The following CPED1 variants were observed in gnomAD, a reference collection of about 807,000 sequenced individuals.
The protein encoded by CPED1 is cadherin like and PC-esterase domain containing 1.
A neutral mutation model predicts 128.2 loss-of-function variants in CPED1; 114 were observed. The observed-to-expected ratio is 0.89, with a 90% CI of 0.76 to 1.04. The LOEUF (loss-of-function observed/expected upper bound fraction) is 1.04. CPED1 is among the 50% of genes least tolerant of loss of function. CPED1 has a pLI of 0.00. For missense variants in CPED1, 1,211 were observed against 1,207.1 expected, an observed-to-expected ratio of 1.00 and a Z score of -0.05; for synonymous variants, 462 against 426.7, an observed-to-expected ratio of 1.08 and a Z score of -1.02.
At chr7:121,019,202 G>A (rs1792376812) in intron 3 of CPED1, among the ~76,000 whole-genome samples, 1 of 152,028 alleles carries the variant, frequency 6.6e-6, no homozygotes, top group Admixed American at 6.6e-5. Context: ...CCTTTCTAGT[G>A]ACATAAGAGA....
At chr7:121,233,760 T>C (rs145177372) in intron 16 of CPED1, among the ~76,000 whole-genome samples, 1 of 152,174 alleles carries the variant, frequency 6.6e-6, no homozygotes, top group African/African-American at 2.4e-5. Flanking sequence ...AATTATAAGT[T>C]TCAGAGACCC....
intron 22 of CPED1, among the ~76,000 whole-genome samples, chr7:121,295,100 AG>A (rs1792795965): frequency 6.6e-6 from 1 of 151,406 alleles, no homozygotes; most frequent in Non-Finnish European, 1.5e-5. Context: ...TTCCTATTGT[AG>A]TACTATGTCA....
intron 16 of CPED1, among the ~76,000 whole-genome samples, chr7:121,165,168 G>T (rs1420500975): frequency 3.3e-5 from 5 of 152,072 alleles, no homozygotes; most frequent in African/African-American, 1.2e-4. Flanking sequence ...GAACAAAAAA[G>T]GAAAAGTAAT....
At chr7:121,278,270 A>G (rs1052433908) in intron 22 of CPED1, among the ~76,000 whole-genome samples, 1 of 152,172 alleles carries the variant, frequency 6.6e-6, no homozygotes, top group African/African-American at 2.4e-5. Context: ...ACAAAGAAGG[A>G]CAGTTGGAGA....
chr7:121,159,756 G>A (rs188957617), intron 16 of CPED1, among the ~76,000 whole-genome samples: 7 of 152,084 alleles, frequency 4.6e-5, no homozygotes, highest in East Asian at 3.9e-4. Context: ...TCCCTCACTC[G>A]CACACATACA....
intron 16 of CPED1, among the ~76,000 whole-genome samples, chr7:121,234,970 G>C (rs1374682864): frequency 6.6e-6 from 1 of 152,062 alleles, no homozygotes; most frequent in African/African-American, 2.4e-5. Context: ...GAAGGCTCCA[G>C]GGTTGCAGAG....
At chr7:121,001,276 A>G (rs1291226642) in intron 2 of CPED1, among the ~76,000 whole-genome samples, 2 of 152,178 alleles carry the variant, frequency 1.3e-5, no homozygotes, top group African/African-American at 2.4e-5. Context: ...GCCAGGAGTC[A>G]GAATGCAACA....
intron 16 of CPED1, among the ~76,000 whole-genome samples, chr7:121,168,603 C>T (rs917828294): frequency 2.0e-5 from 3 of 152,268 alleles, no homozygotes; most frequent in East Asian, 3.9e-4. Flanking sequence ...TCCAATTACG[C>T]TCTTTAAGTT....
At chr7:121,143,860 A>G (rs1007217026) in intron 16 of CPED1, among the ~76,000 whole-genome samples, 3 of 152,008 alleles carry the variant, frequency 2.0e-5, no homozygotes, top group Non-Finnish European at 2.9e-5. Flanking sequence ...ACACACACAC[A>G]AAATCTTCGT....
chr7:121,016,542 C>T (rs1448190938), intron 3 of CPED1, among the ~76,000 whole-genome samples: 1 of 152,176 alleles, frequency 6.6e-6, no homozygotes, highest in Non-Finnish European at 1.5e-5. Flanking sequence ...ATTCCAACCC[C>T]TAACCCAGAT....
intron 22 of CPED1, among the ~76,000 whole-genome samples, chr7:121,282,965 A>T (rs1323885262): frequency 1.3e-5 from 2 of 152,232 alleles, no homozygotes; most frequent in African/African-American, 2.4e-5. Flanking sequence ...TTAAATTTTA[A>T]TTCTACAAGA....
At chr7:121,093,778 T>G (rs1374626528) in intron 5 of CPED1, among the ~76,000 whole-genome samples, 1 of 152,180 alleles carries the variant, frequency 6.6e-6, no homozygotes, top group Non-Finnish European at 1.5e-5. Context: ...TTCTGGAAAC[T>G]TCTCCTTCCT....
intron 7 of CPED1, among the ~76,000 whole-genome samples, chr7:121,106,241 T>C (rs1794973388): frequency 6.6e-6 from 1 of 152,118 alleles, no homozygotes; most frequent in Admixed American, 6.6e-5. Context: ...ATATTTTCCC[T>C]TCTGAACTAG....
intron 17 of CPED1, 142 bp from the exon 18 acceptor site, chr7:121,244,060 C>T: frequency 1.1e-6 from 1 of 937,040 alleles, no homozygotes; most frequent in Non-Finnish European, 1.7e-6. Flanking sequence ...GGAAGCCATG[C>T]CTTCATTATT....
intron 3 of CPED1, among the ~76,000 whole-genome samples, chr7:121,017,075 A>G (rs1445159084): frequency 6.6e-6 from 1 of 152,232 alleles, no homozygotes; most frequent in Non-Finnish European, 1.5e-5. Context: ...ATTGGCAGTG[A>G]AACTGTGAGC....
intron 16 of CPED1, among the ~76,000 whole-genome samples, chr7:121,234,429 T>C (rs1330902510): frequency 6.6e-6 from 1 of 152,010 alleles, no homozygotes; most frequent in Non-Finnish European, 1.5e-5. Flanking sequence ...CAAGTTTAGA[T>C]GACATTATAG....
intron 7 of CPED1, among the ~76,000 whole-genome samples, chr7:121,123,436 C>G (rs1795433986): frequency 6.6e-6 from 1 of 152,114 alleles, no homozygotes. Context: ...TAATAGAATA[C>G]CTGCTGCATG....
intron 5 of CPED1, among the ~76,000 whole-genome samples, chr7:121,079,418 A>C (rs1239698172): frequency 6.6e-6 from 1 of 152,224 alleles, no homozygotes; most frequent in Non-Finnish European, 1.5e-5. Context: ...TAAAGTAAGG[A>C]AATATTAATC....
intron 7 of CPED1, among the ~76,000 whole-genome samples, chr7:121,119,412 G>T (rs991357823): frequency 6.6e-6 from 1 of 150,612 alleles, no homozygotes; most frequent in Non-Finnish European, 1.5e-5. Flanking sequence ...TGATCCACCC[G>T]CTTCGGCCTC....
Sources: allele counts gnomAD v4.1 joint callset (sites outside exome capture counted in the v4.1 genomes callset), GRCh38; gene constraint gnomAD v4.1.1; transcripts MANE v1.5; gene names NCBI Gene and HGNC (gene_info 2026-07-23, HGNC 2026-07-21).